FAM13B: variants seen among roughly 807,000 people sequenced by gnomAD.
FAM13B encodes the protein family with sequence similarity 13 member B.
Under a neutral mutation model 117.3 loss-of-function variants are expected in FAM13B, and 60 were observed. That is an observed-to-expected ratio of 0.51 (90% CI 0.42 to 0.63). The LOEUF is 0.63. FAM13B is among the 30% of genes least tolerant of loss of function. The probability of loss-of-function intolerance (pLI) is 0.00; values close to 1 mark genes in which losing one functional copy is unlikely to be tolerated. For missense variants in FAM13B, 972 were observed against 1,091.9 expected (o/e 0.89, Z 1.55); for synonymous variants, 332 against 356.1 (o/e 0.93, Z 0.76).
At position 137,983,900 on chromosome 5, in the gene FAM13B, C is replaced by T. The variant is rs572364025; in HGVS notation, c.1179+1357G>A. Among the ~76,000 whole-genome samples the T allele has an allele frequency of 2.6e-5, 4 of 152,234 alleles. No homozygotes were observed. The South Asian group carries it at 8.3e-4, about 32-fold the overall frequency. On this transcript the variant is annotated intron_variant, in intron 10 of 23. Coordinates refer to ENST00000689681, the MANE Select transcript of FAM13B (RefSeq NM_001385994.1). Reference sequence around the variant, plus strand: ...AACCTAAGTCTTCCTACTCTAAATTCCTCTTTAGCCCTACTTTAGTGGATG... The same window carrying T: ...AACCTAAGTCTTCCTACTCTAAATTTCTCTTTAGCCCTACTTTAGTGGATG...
At chr5:138,023,982 G>GC (rs1175430152) in intron 1 of FAM13B, among the ~76,000 whole-genome samples, 1 of 152,180 alleles carries the variant, frequency 6.6e-6, no homozygotes, top group African/African-American at 2.4e-5. Context: ...TGTATCTAGA[G>GC]CACATTGCTG....
At chr5:137,954,953 C>G (rs1766087650) in intron 14 of FAM13B, among the ~76,000 whole-genome samples, 1 of 152,094 alleles carries the variant, frequency 6.6e-6, no homozygotes, top group Non-Finnish European at 1.5e-5. Context: ...ATTTAAATTT[C>G]TGAACCCAGT....
At position 137,954,499 on chromosome 5, in the gene FAM13B, CACACAT is replaced by C. The variant is rs1320191550; in HGVS notation, c.1508-129_1508-124del. The C allele has an allele frequency of 9.8e-5, 57 of 582,514 alleles. No homozygotes were observed. In the South Asian group the frequency reaches 1.1e-3, roughly 12 times the overall value. 36.1% of individuals were successfully genotyped at this position (582,514 alleles called of 1,614,324 possible). ...TTATGTAGTGGTTCATATATACATACACACATACACACACACACACACACATACATG... is the reference window on the plus strand; with the variant it reads ...TTATGTAGTGGTTCATATATACATACACACACACACACACACACATACATG... On this transcript the variant is annotated intron_variant, in intron 14 of 23. Transcript: ENST00000689681.
At chr5:138,038,624 A>G (rs578003008) in intron 1 of FAM13B, 5 of 152,346 alleles carry the variant, frequency 3.3e-5, no homozygotes, top group African/African-American at 1.2e-4. Context: ...TTTCTGTGCC[A>G]CTTTGCCCAG....
intron 4 of FAM13B, among the ~76,000 whole-genome samples, chr5:138,018,037 C>T (rs773149470): frequency 6.6e-6 from 1 of 152,204 alleles, no homozygotes; most frequent in Non-Finnish European, 1.5e-5. Flanking sequence ...ACCCCTCCTA[C>T]TCCTTGTTCT....
At chr5:138,008,632 C>G (rs756243475) in intron 6 of FAM13B, among the ~76,000 whole-genome samples, 3 of 152,148 alleles carry the variant, frequency 2.0e-5, no homozygotes, top group Non-Finnish European at 4.4e-5. Context: ...TATATGTAAC[C>G]TCTTCAGCAA....
chr5:137,964,732 C>G (rs1360421613), intron 10 of FAM13B, among the ~76,000 whole-genome samples: 1 of 151,674 alleles, frequency 6.6e-6, no homozygotes, highest in Non-Finnish European at 1.5e-5. Flanking sequence ...AACAAACAAA[C>G]AGAACCTTGG....
At chr5:137,948,508 T>A (rs757045414) in intron 18 of FAM13B, among the ~76,000 whole-genome samples, 5 of 152,144 alleles carry the variant, frequency 3.3e-5, no homozygotes, top group Non-Finnish European at 7.4e-5. Flanking sequence ...TCCTCCCACC[T>A]CAGCCTTCCA....
chr5:138,040,328 G>C (rs1021498247), intron 1 of FAM13B, among the ~76,000 whole-genome samples: 2 of 151,082 alleles, frequency 1.3e-5, no homozygotes, highest in African/African-American at 2.4e-5. Flanking sequence ...CCAGCACTTT[G>C]GGAGGCCGAG....
chr5:138,030,431 T>C (rs1789596355), intron 1 of FAM13B, among the ~76,000 whole-genome samples: 1 of 146,596 alleles, frequency 6.8e-6, no homozygotes, highest in African/African-American at 2.5e-5. Flanking sequence ...TTTTTTTCTG[T>C]AAAGAGAGTC....
chr5:138,021,659 C>T (rs1374723697), intron 1 of FAM13B, among the ~76,000 whole-genome samples: 1 of 152,056 alleles, frequency 6.6e-6, no homozygotes, highest in East Asian at 1.9e-4. Context: ...TAGTGGTTGC[C>T]TGAGCTCCCT....
chr5:137,982,413 G>A (rs1359059432), intron 10 of FAM13B, among the ~76,000 whole-genome samples: 1 of 152,100 alleles, frequency 6.6e-6, no homozygotes, highest in African/African-American at 2.4e-5. Flanking sequence ...AATTAGCCGG[G>A]CATGGTGGCA....
chr5:137,958,441 T>A (rs1282724822), intron 13 of FAM13B, among the ~76,000 whole-genome samples: 1 of 151,264 alleles, frequency 6.6e-6, no homozygotes, highest in Non-Finnish European at 1.5e-5. Context: ...AAAAAATGCC[T>A]AGACCTTAAA....
chr5:137,973,454 C>T (rs375730192), intron 10 of FAM13B, among the ~76,000 whole-genome samples: 4 of 151,896 alleles, frequency 2.6e-5, no homozygotes, highest in African/African-American at 7.3e-5. Flanking sequence ...ATACAAAAAT[C>T]AATTCAAGAT....
intron 23 of FAM13B, 121 bp from the exon 24 acceptor site, chr5:137,940,469 T>TA (rs3214311): frequency 0.029 from 15,082 of 527,058 alleles, 28 homozygotes; most frequent in African/African-American, 0.047. Flanking sequence ...GTTGTTCTGT[T>TA]AAAAAAAAAA....
In FAM13B at chr5:137,959,621, C is replaced by A; in HGVS notation, c.1436G>T (p.Trp479Leu). 6.2e-7 allele frequency: 1 copy of A among 1,613,698 alleles called. No individual in the cohort carries two copies. Among genetic ancestry groups the A allele is most frequent in the Non-Finnish European group, 8.5e-7 (1 of 1,179,740 alleles). ...DLKNVSDGDK[W>L]EASCPITFPL... is the part of the protein sequence containing the mutation. The stretch of plus-strand genomic sequence containing the variant: ...ATGCGTGTGGGTAAAATTACCTTCC[C>A]ATTTATCACCATCAGAAACATTCTT... The change falls in exon 13 of 24, where the codon TGG becomes TTG. Residue 479 changes from tryptophan (W) to leucine (L), a missense_variant. By Grantham distance (61) the Trp-to-Leu change is moderately conservative. Coordinates refer to ENST00000689681, the MANE Select transcript of FAM13B (RefSeq NM_001385994.1).
At chr5:137,978,382 G>T (rs1282819615) in intron 10 of FAM13B, among the ~76,000 whole-genome samples, 1 of 151,850 alleles carries the variant, frequency 6.6e-6, no homozygotes, top group Non-Finnish European at 1.5e-5. Context: ...TTTCCAGGAA[G>T]TTTACAGCAA....
At chr5:138,024,833 AGAAAGAGAG>A (rs1787827343) in intron 1 of FAM13B, among the ~76,000 whole-genome samples, 1 of 147,538 alleles carries the variant, frequency 6.8e-6, no homozygotes, top group Non-Finnish European at 1.5e-5. Context: ...AGAGAGAGAG[AGAAAGAGAG>A]AGAGAGAGAG....
intron 1 of FAM13B, among the ~76,000 whole-genome samples, chr5:138,045,350 A>T (rs1326170327): frequency 6.6e-6 from 1 of 151,762 alleles, no homozygotes; most frequent in Non-Finnish European, 1.5e-5. Flanking sequence ...CCTGGGTAAC[A>T]TGGCAAAACC....
Sources: allele counts gnomAD v4.1 joint callset (sites outside exome capture counted in the v4.1 genomes callset), GRCh38; gene constraint gnomAD v4.1.1; transcripts MANE v1.5; gene names NCBI Gene and HGNC (gene_info 2026-07-23, HGNC 2026-07-21).